The following VPS53 variants were observed in gnomAD, a reference collection of about 807,000 sequenced individuals.
The protein encoded by VPS53 is VPS53 subunit of GARP complex.
VPS53 carries 70 observed loss-of-function variants against 107.0 expected under a neutral mutation model. The observed-to-expected ratio is 0.65, with a 90% CI of 0.54 to 0.80. The LOEUF (loss-of-function observed/expected upper bound fraction) is 0.80. VPS53 is among the 30% of genes least tolerant of loss of function. The pLI, the probability that VPS53 is intolerant of heterozygous loss-of-function variation, is 0.00. For synonymous variants in VPS53, 409 were observed against 393.3 expected, an observed-to-expected ratio of 1.04 and a Z score of -0.47; for missense variants, 917 against 1,049.4, an observed-to-expected ratio of 0.87 and a Z score of 1.74.
In VPS53 at chr17:622,613, T is replaced by C. The variant is rs568209019; in HGVS notation, c.1116+920A>G. Reference sequence around the variant, plus strand: ...GTAATGATGCAAACAGAAATTACCATAGAACAGAGTCACTTGGTTTCCCAG... The same window carrying C: ...GTAATGATGCAAACAGAAATTACCACAGAACAGAGTCACTTGGTTTCCCAG... On this transcript the variant is annotated intron_variant, in intron 11 of 21. Coordinates refer to ENST00000437048, the MANE Select transcript of VPS53 (RefSeq NM_001128159.3). Among the ~76,000 whole-genome samples the C allele has an allele frequency of 6.6e-5, 10 of 152,210 alleles. 1 individual carries two copies. The highest frequency in any genetic ancestry group is 1.5e-4 in the Non-Finnish European group (10 of 68,040).
chr17:584,482 T>C (rs193276348), intron 13 of VPS53, among the ~76,000 whole-genome samples: 4 of 152,330 alleles, frequency 2.6e-5, no homozygotes, highest in South Asian at 4.1e-4. Context: ...ATAAAAATAT[T>C]TGGAGGCTAC....
At chr17:617,764 A>G (rs1464236862) in intron 11 of VPS53, among the ~76,000 whole-genome samples, 1 of 144,368 alleles carries the variant, frequency 6.9e-6, no homozygotes, top group Non-Finnish European at 1.5e-5. Context: ...ACCACGCCCC[A>G]CTAATATTTC....
At chr17:557,164 C>T (rs997368027) in intron 15 of VPS53, among the ~76,000 whole-genome samples, 1 of 152,188 alleles carries the variant, frequency 6.6e-6, no homozygotes, top group Admixed American at 6.5e-5. Context: ...CTTCTGGAAG[C>T]TCTGAGGAAA....
intron 9 of VPS53, among the ~76,000 whole-genome samples, chr17:627,581 C>A (rs1241239578): frequency 1.3e-5 from 2 of 152,100 alleles, no homozygotes; most frequent in Middle Eastern, 3.2e-3. Flanking sequence ...TCGAGACCAG[C>A]CTGACCAACA....
At chr17:558,702 A>G (rs1912668955) in intron 15 of VPS53, among the ~76,000 whole-genome samples, 1 of 148,494 alleles carries the variant, frequency 6.7e-6, no homozygotes, top group Non-Finnish European at 1.5e-5. Context: ...GTTATGGTAC[A>G]AGGCCGGGCA....
At chr17:620,420 G>T (rs1393638445) in intron 11 of VPS53, among the ~76,000 whole-genome samples, 1 of 152,248 alleles carries the variant, frequency 6.6e-6, no homozygotes, top group East Asian at 1.9e-4. Context: ...GAAGGTGGCA[G>T]AGGTGAAGGT....
At chr17:562,841 T>A in intron 13 of VPS53, 96 bp from the exon 14 acceptor site, 3 of 1,357,702 alleles carry the variant, frequency 2.2e-6, no homozygotes, top group Non-Finnish European at 3.0e-6. Flanking sequence ...CTGCCACAAG[T>A]AATCATTCCT....
At chr17:641,761 C>G (rs1264478246) in intron 7 of VPS53, among the ~76,000 whole-genome samples, 1 of 152,176 alleles carries the variant, frequency 6.6e-6, no homozygotes, top group African/African-American at 2.4e-5. Flanking sequence ...AACTGATTTC[C>G]TAGCCATTCT....
rs142070869 is a variant in VPS53 at position 570,989 on chromosome 17, G to A, written c.1314-8244C>T. Reference sequence around the variant, plus strand: ...TATTGAAGTATTAAGGAGTAGTGGCGAATCTTGTCTGCAACTTGAGAATTC... The same window carrying A: ...TATTGAAGTATTAAGGAGTAGTGGCAAATCTTGTCTGCAACTTGAGAATTC... On this transcript the variant is annotated intron_variant, in intron 13 of 21. Transcript: ENST00000437048. 3.6e-3 allele frequency among the ~76,000 whole-genome samples: 543 copies of A among 152,194 alleles called. 2 individuals are homozygous for A. Among genetic ancestry groups the A allele is most frequent in the Non-Finnish European group, 6.4e-3 (434 of 68,004 alleles).
intron 14 of VPS53, among the ~76,000 whole-genome samples, chr17:560,993 C>T (rs1236604779): frequency 6.6e-6 from 1 of 151,584 alleles, no homozygotes; most frequent in African/African-American, 2.4e-5. Flanking sequence ...AGGACATAAG[C>T]GCATGTTAAG....
rs768091538 is a variant in VPS53, at chr17:562,738, C to T, written c.1321G>A (p.Gly441Arg). ...VYIESQDKNL[G>R]ELIDRFVADF... Reference sequence around the variant, plus strand: ...GCCACAAACCGATCTATCAGCTCTCCGAGGTTCCTAGGAGGAAAAAAAAAA... The same window carrying T: ...GCCACAAACCGATCTATCAGCTCTCTGAGGTTCCTAGGAGGAAAAAAAAAA... Residue 441 changes from glycine to arginine, a missense_variant, in exon 14 of 22, where the codon GGA becomes AGA. By Grantham distance (125) the Gly-to-Arg change is moderately radical (BLOSUM62 -2). Transcript: ENST00000437048. 62 of 1,609,030 alleles carry T rather than the reference C, an allele frequency of 3.9e-5. No individual in the cohort carries two copies. The highest frequency in any genetic ancestry group is 4.9e-5 in the Non-Finnish European group (58 of 1,177,664).
At chr17:612,411 G>A (rs1968930053) in intron 11 of VPS53, among the ~76,000 whole-genome samples, 1 of 130,412 alleles carries the variant, frequency 7.7e-6, no homozygotes, top group Non-Finnish European at 1.6e-5. Flanking sequence ...TTCAAATAGT[G>A]AATTCACACA....
At chr17:627,050 T>G in intron 10 of VPS53, 124 bp downstream of exon 10, 1 of 1,281,062 alleles carries the variant, frequency 7.8e-7, no homozygotes, top group South Asian at 1.6e-5. Flanking sequence ...GAGGATGATA[T>G]TAGTCATCTG....
chr17:605,726 G>A (rs139482939), intron 11 of VPS53, among the ~76,000 whole-genome samples: 42 of 125,890 alleles, frequency 3.3e-4, no homozygotes, highest in African/African-American at 6.3e-4. Context: ...AGTCAGGGAC[G>A]GAAACGAAGA....
At chr17:587,828 A>G (rs1175978537) in intron 12 of VPS53, among the ~76,000 whole-genome samples, 1 of 152,150 alleles carries the variant, frequency 6.6e-6, no homozygotes, top group East Asian at 1.9e-4. Flanking sequence ...AACTACTCAT[A>G]TCTTATTTTT....
intron 3 of VPS53, among the ~76,000 whole-genome samples, chr17:698,692 G>A (rs78548438): frequency 0.026 from 3,952 of 149,786 alleles, 64 homozygotes; most frequent in East Asian, 0.07. Context: ...CACAGAGTAA[G>A]ACCTTGTTTT....
chr17:548,371 C>T (rs150343671), intron 17 of VPS53, among the ~76,000 whole-genome samples: 2,378 of 150,580 alleles, frequency 0.016, 65 homozygotes, highest in African/African-American at 0.056. Flanking sequence ...GGCCAGCCAA[C>T]AGTCCTTCTG....
At chr17:525,996 C>CA (rs10677094) in intron 19 of VPS53, among the ~76,000 whole-genome samples, 2,304 of 73,940 alleles carry the variant, frequency 0.031, 120 homozygotes, top group African/African-American at 0.087. Context: ...GACATTTTCT[C>CA]AAAAAAAAAA....
chr17:685,152 C>A (rs922184927), intron 4 of VPS53: 1 of 152,028 alleles, frequency 6.6e-6, no homozygotes, highest in African/African-American at 2.4e-5. Flanking sequence ...GTGGAGAAAG[C>A]GGGCAGCTTT....
Sources: gnomAD v4.1 joint callset for allele counts (sites outside exome capture counted in the v4.1 genomes callset) on GRCh38, gnomAD v4.1.1 for gene constraint, MANE v1.5 for transcripts, NCBI Gene and HGNC (gene_info 2026-07-23, HGNC 2026-07-21) for gene names.